ABCC4: variants seen among roughly 807,000 people sequenced by gnomAD.
ABCC4 encodes the protein ATP binding cassette subfamily C member 4 (PEL blood group), also known as ATP-binding cassette sub-family C member 4.
Under a neutral mutation model 168.5 loss-of-function variants are expected in ABCC4, and 102 were observed. The observed-to-expected ratio is 0.61, with a 90% confidence interval of 0.52 to 0.71. The LOEUF (loss-of-function observed/expected upper bound fraction) is 0.71, where lower values mean the gene tolerates loss of function less well. ABCC4 is among the 30% of genes least tolerant of loss of function. The probability of loss-of-function intolerance (pLI) is 0.00; values close to 1 mark genes in which losing one functional copy is unlikely to be tolerated. For synonymous variants in ABCC4, 617 were observed against 590.7 expected (o/e 1.04, Z -0.65); for missense variants, 1,402 against 1,605.8 (o/e 0.87, Z 2.17).
intron 1 of ABCC4, among the ~76,000 whole-genome samples, chr13:95,298,511 T>A (rs903824173): frequency 7.9e-5 from 12 of 152,058 alleles, no homozygotes; most frequent in Non-Finnish European, 1.6e-4. Flanking sequence ...AATCTGCATC[T>A]CTTAGAATCT....
At chr13:95,109,578 A>G (rs908785513) in intron 20 of ABCC4, among the ~76,000 whole-genome samples, 1 of 152,258 alleles carries the variant, frequency 6.6e-6, no homozygotes, top group Non-Finnish European at 1.5e-5. Flanking sequence ...TATTTATTCT[A>G]ACATATGGCT....
intron 4 of ABCC4, among the ~76,000 whole-genome samples, chr13:95,212,800 TA>T (rs1235733596): frequency 1.3e-5 from 2 of 151,928 alleles, no homozygotes; most frequent in South Asian, 2.1e-4. Flanking sequence ...CCAGATAGGA[TA>T]AAAAAAATCA....
intron 1 of ABCC4, among the ~76,000 whole-genome samples, chr13:95,273,909 G>A (rs1030558053): frequency 6.3e-5 from 9 of 142,684 alleles, no homozygotes; most frequent in South Asian, 2.4e-4. Context: ...TCCGCCCCCC[G>A]GGGTTCACGC....
At chr13:95,264,931 T>TGATC (rs148980619) in intron 1 of ABCC4, among the ~76,000 whole-genome samples, 2,878 of 148,570 alleles carry the variant, frequency 0.019, 87 homozygotes, top group East Asian at 0.088. Context: ...TGAAGTGGTG[T>TGATC]GATCTCAGCT....
intron 19 of ABCC4, among the ~76,000 whole-genome samples, chr13:95,121,026 A>C (rs2035553459): frequency 6.6e-6 from 1 of 152,232 alleles, no homozygotes; most frequent in African/African-American, 2.4e-5. Context: ...GAGATCTAGA[A>C]GTCCAGTATT....
chr13:95,108,907 G>C (rs946670039), intron 20 of ABCC4, among the ~76,000 whole-genome samples: 2 of 152,060 alleles, frequency 1.3e-5, no homozygotes, highest in Non-Finnish European at 2.9e-5. Context: ...TCTTTGCACG[G>C]CTGTTTCCTT....
intron 19 of ABCC4, among the ~76,000 whole-genome samples, chr13:95,138,992 A>G (rs1358770540): frequency 6.6e-6 from 1 of 152,034 alleles, no homozygotes. Context: ...CCCCACCTCA[A>G]ATCTGGTTGG....
chr13:95,291,214 C>T (rs2041396613), intron 1 of ABCC4, among the ~76,000 whole-genome samples: 1 of 151,692 alleles, frequency 6.6e-6, no homozygotes, highest in African/African-American at 2.4e-5. Flanking sequence ...AATTAGCCAG[C>T]TGTGGTGGCC....
At chr13:95,232,915 T>C (rs2039663505) in intron 4 of ABCC4, among the ~76,000 whole-genome samples, 1 of 152,032 alleles carries the variant, frequency 6.6e-6, no homozygotes, top group Admixed American at 6.6e-5. Flanking sequence ...TCAAATCAGG[T>C]CTTATCATTA....
chr13:95,301,212 G>A (rs749562990), intron 1 of ABCC4, 29 bp downstream of exon 1: 2 of 1,570,502 alleles, frequency 1.3e-6, no homozygotes, highest in South Asian at 1.2e-5. Flanking sequence ...GCGGCTGCAG[G>A]GTGACCTGTT....
At chr13:95,148,422 G>A (rs993425759) in intron 19 of ABCC4, among the ~76,000 whole-genome samples, 1 of 152,018 alleles carries the variant, frequency 6.6e-6, no homozygotes, top group African/African-American at 2.4e-5. Context: ...AGAAAATAAA[G>A]AAAAATCCTT....
chr13:95,203,407 G>A (rs1232301926), intron 8 of ABCC4, among the ~76,000 whole-genome samples: 2 of 150,334 alleles, frequency 1.3e-5, no homozygotes, highest in Non-Finnish European at 2.9e-5. Context: ...CGTAATCTCG[G>A]CTCACTGCAA....
At chr13:95,177,616 T>G in intron 13 of ABCC4, 91 bp downstream of exon 13, 1 of 970,438 alleles carries the variant, frequency 1.0e-6, no homozygotes, top group South Asian at 1.6e-5. Flanking sequence ...GACACCAGAG[T>G]AGGATGAGCT....
At chr13:95,210,645 G>T (rs766193486) in intron 5 of ABCC4, 47 bp downstream of exon 5, 2 of 1,452,670 alleles carry the variant, frequency 1.4e-6, no homozygotes, top group East Asian at 2.3e-5. Context: ...AAAGGGGAAA[G>T]AGGGGTGTTT....
Position 95,021,322 on chromosome 13 carries a change from G to A in ABCC4, c.*253C>T. The A allele has an allele frequency of 2.6e-6, 1 of 391,464 alleles. No individual in the cohort carries two copies. Among genetic ancestry groups the A allele is most frequent in the South Asian group, 5.1e-5 (1 of 19,798 alleles). The allele number at this position is 391,464 out of a possible 1,614,324, so 24.2% of individuals were successfully genotyped here. A position where few individuals can be genotyped will look rare whatever the true frequency, so the allele number is the denominator to read the frequency against. ...TGTAGTCTCTTAAGGCACAAAACCT[G>A]ATAGACGGCATTTAACTGGTGGCCT... On this transcript the variant is annotated 3_prime_UTR_variant, in exon 31 of 31. Coordinates refer to ENST00000645237, the MANE Select transcript of ABCC4 (RefSeq NM_005845.5).
chr13:95,196,506 C>T (rs2038419201), intron 8 of ABCC4, among the ~76,000 whole-genome samples: 1 of 151,268 alleles, frequency 6.6e-6, no homozygotes, highest in Non-Finnish European at 1.5e-5. Flanking sequence ...GGGCTCCTCC[C>T]TCATTGCACT....
At chr13:95,125,966 AAC>A (rs2035744925) in intron 19 of ABCC4, among the ~76,000 whole-genome samples, 1 of 152,210 alleles carries the variant, frequency 6.6e-6, no homozygotes, top group African/African-American at 2.4e-5. Flanking sequence ...ACTGCTCTCA[AAC>A]ACTGCATGGC....
intron 30 of ABCC4, among the ~76,000 whole-genome samples, chr13:95,032,259 G>A (rs376199103): frequency 7.9e-5 from 12 of 152,208 alleles, no homozygotes; most frequent in African/African-American, 2.6e-4. Context: ...TGAGATCATG[G>A]GCAATTTCCT....
chr13:95,099,296 G>A (rs1026729967), intron 20 of ABCC4, among the ~76,000 whole-genome samples: 1 of 152,140 alleles, frequency 6.6e-6, no homozygotes, highest in Non-Finnish European at 1.5e-5. Context: ...TCAAGAACAG[G>A]AAAACTAATT....
Sources: gnomAD v4.1 joint callset for allele counts (sites outside exome capture counted in the v4.1 genomes callset) on GRCh38, gnomAD v4.1.1 for gene constraint, MANE v1.5 for transcripts, NCBI Gene and HGNC (gene_info 2026-07-23, HGNC 2026-07-21) for gene names.